Variants in B4GALNT1 observed in about 807,000 individuals in gnomAD.
B4GALNT1 encodes the protein beta-1,4 N-acetylgalactosaminyltransferase 1.
B4GALNT1 carries 43 observed loss-of-function variants against 55.2 expected under a neutral mutation model. The ratio of observed to expected loss-of-function variants is 0.78; its 90% CI spans 0.61 to 1.00. The LOEUF (loss-of-function observed/expected upper bound fraction) is 1.00, where lower values mean the gene tolerates loss of function less well. Among genes scored for constraint, B4GALNT1 ranks in the 50% least tolerant of loss-of-function variants. The pLI is 0.00. For synonymous variants in B4GALNT1, 305 were observed against 311.6 expected, an observed-to-expected ratio of 0.98 and a Z score of 0.22; for missense variants, 664 against 729.7, an observed-to-expected ratio of 0.91 and a Z score of 1.04.
At chr12:57,629,665 C>G in intron 6 of B4GALNT1, 1 of 973,616 alleles carries the variant, frequency 1.0e-6, no homozygotes, top group Non-Finnish European at 1.4e-6. Context: ...AGAAGCCAGT[C>G]TGCAAAAATC....
At chr12:57,632,197 CT>C in intron 1 of B4GALNT1, 64 bp from the exon 2 acceptor site, 2 of 1,433,576 alleles carry the variant, frequency 1.4e-6, no homozygotes, top group Non-Finnish European at 1.9e-6. Context: ...GGATGGGGCC[CT>C]TGGCCCCCGC....
Position 57,623,449 on chromosome 12 carries a change from A to G in B4GALNT1, c.*3295T>C, listed in dbSNP as rs1051342555. 4 of 459,272 alleles carry G rather than the reference A, an allele frequency of 8.7e-6. No homozygotes were observed. The highest frequency in any genetic ancestry group is 1.5e-5 in the Non-Finnish European group (4 of 259,936). 28.4% of individuals were successfully genotyped at this position (459,272 alleles called of 1,614,324 possible). A position where few individuals can be genotyped will look rare whatever the true frequency, so the allele number is the denominator to read the frequency against. On this transcript the variant is annotated 3_prime_UTR_variant, in exon 11 of 11. Transcript: ENST00000341156. ...AAATTCTTATTTTTTTCACACAATG[A>G]CATTGTCTTTTAAAAGGAATATCAC...
At chr12:57,632,321 C>T in intron 1 of B4GALNT1, 188 bp from the exon 2 acceptor site, 1 of 705,696 alleles carries the variant, frequency 1.4e-6, no homozygotes, top group African/African-American at 1.7e-5. Context: ...CTTCCCAGGC[C>T]CCAGGGTCTC....
chr12:57,631,675 G>A (rs1885219815), intron 2 of B4GALNT1, among the ~76,000 whole-genome samples: 1 of 152,094 alleles, frequency 6.6e-6, no homozygotes, highest in Non-Finnish European at 1.5e-5. Context: ...GAGTCTTTCA[G>A]GGCCCTCCCT....
At position 57,625,182 on chromosome 12, in the gene B4GALNT1, A is replaced by G; in HGVS notation, c.*1562T>C. 1 of 1,614,020 alleles carries G rather than the reference A, an allele frequency of 6.2e-7. No individual in the cohort carries two copies. The highest frequency in any genetic ancestry group is 8.5e-7 in the Non-Finnish European group (1 of 1,179,990). On this transcript the variant is annotated 3_prime_UTR_variant, in exon 11 of 11. Coordinates refer to ENST00000341156, the MANE Select transcript of B4GALNT1 (RefSeq NM_001478.5). ...GTGAGATGGGGTGACAAGAAGGAAG[A>G]TTTGGGCATGTTGCATGGTGACACC... is the stretch of plus-strand genomic sequence containing the variant.
chr12:57,632,508 G>C (rs1885293726), intron 1 of B4GALNT1: 1 of 339,440 alleles, frequency 2.9e-6, no homozygotes. Context: ...CGCCCTGGCC[G>C]GCGCGCCCCC....
rs1006264991 is a variant in B4GALNT1 at position 57,623,924 on chromosome 12, G to T, written c.*2820C>A. 2 of 1,614,032 alleles carry T rather than the reference G, an allele frequency of 1.2e-6. No homozygotes were observed. Among genetic ancestry groups the T allele is most frequent in the Non-Finnish European group, 1.7e-6 (2 of 1,179,958 alleles). The stretch of plus-strand genomic sequence containing the variant: ...TACTATCTGCCCAAGGTAATGAGCA[G>T]AGGAGGCATGAGCATGGCTGGGAGG... On this transcript the variant is annotated 3_prime_UTR_variant, in exon 11 of 11. Transcript: ENST00000341156.
Position 57,628,743 on chromosome 12 carries a change from G to T in B4GALNT1, c.972C>A (p.Tyr324Ter). 6.2e-7 allele frequency: 1 copy of T among 1,614,242 alleles called. No individual in the cohort carries two copies. The highest frequency in any genetic ancestry group is 1.1e-5 in the South Asian group (1 of 91,084). ...CGAAGGGCATGAGATAGTGTTCCAC[G>T]TAGGGGCCACTAACGCGCTCTGGCT... ...SDKPERVSGP[Y>*]VEHYLMPFGK... is the part of the protein sequence containing the mutation. The change falls in exon 8 of 11, where the codon TAC becomes TAA. Residue 324 changes from tyrosine to a stop codon, truncating the protein, a stop_gained. Transcript: ENST00000341156. LOFTEE classifies it high-confidence loss of function.
rs1304007894 is a variant in B4GALNT1 at position 57,632,073 on chromosome 12, C to A, written c.60G>T (p.Leu20=). ...ALVLLLACAS[L]GLLYASTRDA... is the part of the protein sequence containing the mutation. ...CCCGGGTGCTCGCGTACAGGAGCCC[C>A]AGCGAGGCGCAGGCGAGCAGAAGGA... Residue 20 remains leucine, a synonymous_variant, in exon 2 of 11, where the codon CTG becomes CTT. Coordinates refer to ENST00000341156, the MANE Select transcript of B4GALNT1 (RefSeq NM_001478.5). The A allele has an allele frequency of 6.9e-7, 1 of 1,443,282 alleles. No homozygotes were observed. Among genetic ancestry groups the A allele is most frequent in the South Asian group, 1.5e-5 (1 of 66,046 alleles). The allele number at this position is 1,443,282 out of a possible 1,614,324, so 89.4% of individuals were successfully genotyped here.
At position 57,626,932 on chromosome 12, in the gene B4GALNT1, G is replaced by T; in HGVS notation, c.1414C>A (p.Arg472=). 1 of 1,614,146 alleles carries T rather than the reference G, an allele frequency of 6.2e-7. No homozygotes were observed. The highest frequency in any genetic ancestry group is 1.6e-4 in the Middle Eastern group (1 of 6,062). ...ACGACGTCGGAGCAGGAGCCAACCC[G>T]AAGGGAACCAAGCCCATCCAAGAAG... ...EFFLDGLGSL[R]VGSCSDVVVD... The change falls in exon 11 of 11, where the codon CGG becomes AGG. Residue 472 remains arginine (R), a synonymous_variant. Transcript: ENST00000341156.
At chr12:57,628,503 G>A (rs1354442270) in intron 8 of B4GALNT1, 6 of 807,448 alleles carry the variant, frequency 7.4e-6, no homozygotes, top group Non-Finnish European at 1.1e-5. Flanking sequence ...CTATTTTATT[G>A]AATGCCATTA....
At position 57,630,550 on chromosome 12, in the gene B4GALNT1, C is replaced by T. The variant is rs747584632; in HGVS notation, c.491-32G>A. The stretch of plus-strand genomic sequence containing the variant: ...GAAAGGAGTGGGGGGATCAGAATCA[C>T]ATAGGCAGCCCTGAATTCTTTCTCA... On this transcript the variant is annotated intron_variant, in intron 4 of 10. Coordinates refer to ENST00000341156, the MANE Select transcript of B4GALNT1 (RefSeq NM_001478.5). 5 of 1,581,182 alleles carry T rather than the reference C, an allele frequency of 3.2e-6. No individual in the cohort carries two copies. In the Admixed American group the frequency reaches 7.5e-5, roughly 24 times the overall value.
chr12:57,630,381 G>A (rs1335557289), intron 5 of B4GALNT1, 49 bp from the exon 6 acceptor site: 5 of 1,599,618 alleles, frequency 3.1e-6, no homozygotes, highest in East Asian at 2.2e-5. Context: ...CCCACTTCTT[G>A]CCTCCCTGAT....
chr12:57,624,928 TG>T lies in B4GALNT1; in HGVS notation c.*1815del. 6.2e-7 allele frequency: 1 copy of T among 1,614,110 alleles called. No individual in the cohort carries two copies. The highest frequency in any genetic ancestry group is 1.1e-5 in the South Asian group (1 of 91,088). Reference sequence around the variant, plus strand: ...CAACACCACTGTACTTTGGGACCCGTGGGCAGTTTCGCTGCAACCTGGAGTG... The same window carrying T: ...CAACACCACTGTACTTTGGGACCCGTGGCAGTTTCGCTGCAACCTGGAGTG... On this transcript the variant is annotated 3_prime_UTR_variant, in exon 11 of 11. Coordinates refer to ENST00000341156, the MANE Select transcript of B4GALNT1 (RefSeq NM_001478.5).
At chr12:57,627,421 A>C (rs988360329) in intron 10 of B4GALNT1, among the ~76,000 whole-genome samples, 197 bp downstream of exon 10, 2 of 151,896 alleles carry the variant, frequency 1.3e-5, no homozygotes, top group African/African-American at 4.8e-5. Context: ...TAAAAAAAAA[A>C]AAAGAGTATG....
intron 6 of B4GALNT1, 34 bp from the exon 7 acceptor site, chr12:57,629,180 G>A (rs755835092): frequency 1.3e-6 from 2 of 1,514,534 alleles, no homozygotes; most frequent in South Asian, 1.3e-5. Context: ...TGACCCTGAA[G>A]GGTGGGATAA....
chr12:57,625,735 G>A lies in B4GALNT1; in HGVS notation c.*1009C>T. ...AGCGGGAGCCAGGAGGCACTGGGCT[G>A]CGGCAAGTGAGGCAGGGGTAAGTGG... On this transcript the variant is annotated 3_prime_UTR_variant, in exon 11 of 11. Transcript: ENST00000341156. 6.5e-7 allele frequency: 1 copy of A among 1,526,930 alleles called. No individual in the cohort carries two copies. The highest frequency in any genetic ancestry group is 8.8e-7 in the Non-Finnish European group (1 of 1,139,472). 94.6% of individuals were successfully genotyped at this position (1,526,930 alleles called of 1,614,324 possible). A position where few individuals can be genotyped will look rare whatever the true frequency, so the allele number is the denominator to read the frequency against.
intron 1 of B4GALNT1, 173 bp from the exon 2 acceptor site, chr12:57,632,306 C>T (rs899291353): frequency 8.3e-6 from 6 of 723,712 alleles, no homozygotes; most frequent in Non-Finnish European, 1.2e-5. Context: ...GTACCCCTCC[C>T]CTCACTTCCC....
At position 57,625,267 on chromosome 12, in the gene B4GALNT1, C is replaced by G. The variant is rs763067267; in HGVS notation, c.*1477G>C. ...AGCCTGTCAGGGTGGTGGTCCTAGA[C>G]TTCAGTGGTGTCACCTTTGCAGATG... On this transcript the variant is annotated 3_prime_UTR_variant, in exon 11 of 11. Transcript: ENST00000341156. The G allele has an allele frequency of 6.8e-6, 11 of 1,613,972 alleles. No individual in the cohort carries two copies. In the African/African-American group the frequency reaches 9.3e-5, roughly 14 times the overall value.
Sources: gnomAD v4.1 joint callset for allele counts (sites outside exome capture counted in the v4.1 genomes callset) on GRCh38, gnomAD v4.1.1 for gene constraint, MANE v1.5 for transcripts, NCBI Gene and HGNC (gene_info 2026-07-23, HGNC 2026-07-21) for gene names.